The following TAFA2 variants were observed in gnomAD, a reference collection of about 807,000 sequenced individuals.
TAFA2 encodes the protein chemokine-like protein TAFA-2.
TAFA2 carries 7 observed loss-of-function variants against 18.8 expected under a neutral mutation model. The ratio of observed to expected loss-of-function variants is 0.37; its 90% CI spans 0.21 to 0.70. The LOEUF is 0.70. Ranked by LOEUF, TAFA2 falls within the 30% of genes least tolerant of loss-of-function variation. The pLI is 0.53. For missense variants in TAFA2, 122 were observed against 158.1 expected, an observed-to-expected ratio of 0.77 and a Z score of 1.23; for synonymous variants, 60 against 54.2, an observed-to-expected ratio of 1.11 and a Z score of -0.47.
chr12:62,106,335 A>G (rs1270828618), intron 1 of TAFA2, among the ~76,000 whole-genome samples: 1 of 152,190 alleles, frequency 6.6e-6, no homozygotes, highest in African/African-American at 2.4e-5. Context: ...CTCCATCTCA[A>G]AAAAGAACAA....
chr12:62,045,689 T>C (rs1253876124), intron 1 of TAFA2, among the ~76,000 whole-genome samples: 1 of 152,226 alleles, frequency 6.6e-6, no homozygotes, highest in Non-Finnish European at 1.5e-5. Context: ...CTATTTTAGA[T>C]GTTCCTGTTT....
intron 1 of TAFA2, chr12:61,880,262 G>A: frequency 4.2e-6 from 2 of 477,394 alleles, no homozygotes; most frequent in East Asian, 5.8e-5. Context: ...GAACCAGAAT[G>A]TCAGCTGGCT....
At chr12:61,836,756 T>TACAC (rs58707678) in intron 2 of TAFA2, among the ~76,000 whole-genome samples, 59 of 119,750 alleles carry the variant, frequency 4.9e-4, no homozygotes, top group South Asian at 9.8e-4. Context: ...TATATATATA[T>TACAC]ACACACACAC....
intron 1 of TAFA2, among the ~76,000 whole-genome samples, chr12:62,176,336 C>A (rs138066766): frequency 3.1e-4 from 47 of 152,282 alleles, no homozygotes; most frequent in African/African-American, 1.1e-3. Flanking sequence ...TAGCATCTAA[C>A]TAGTCTTCTA....
At chr12:62,034,292 G>C (rs1286192716) in intron 1 of TAFA2, among the ~76,000 whole-genome samples, 1 of 152,038 alleles carries the variant, frequency 6.6e-6, no homozygotes, top group Non-Finnish European at 1.5e-5. Flanking sequence ...ACAGGATGAA[G>C]GTCAGGTACC....
intron 2 of TAFA2, among the ~76,000 whole-genome samples, chr12:61,857,510 TC>T: frequency 6.6e-6 from 1 of 152,326 alleles, no homozygotes; most frequent in South Asian, 2.1e-4. Flanking sequence ...GTCATTTTCT[TC>T]TAAAACATTT....
intron 1 of TAFA2, among the ~76,000 whole-genome samples, chr12:62,043,130 A>T (rs1182716035): frequency 1.3e-5 from 2 of 152,194 alleles, no homozygotes; most frequent in Non-Finnish European, 2.9e-5. Flanking sequence ...TATGTATTAA[A>T]TCCTGCTGTA....
At chr12:61,835,877 T>C (rs529899912) in intron 2 of TAFA2, among the ~76,000 whole-genome samples, 127 of 152,034 alleles carry the variant, frequency 8.4e-4, no homozygotes, top group African/African-American at 2.8e-3. Flanking sequence ...AATACAGCCA[T>C]GGATAAGAGA....
intron 4 of TAFA2, among the ~76,000 whole-genome samples, chr12:61,734,563 G>A (rs1257303709): frequency 1.8e-4 from 27 of 151,896 alleles, no homozygotes; most frequent in Admixed American, 1.6e-3. Flanking sequence ...ACAGAGAAAG[G>A]AATGTATTAG....
intron 2 of TAFA2, among the ~76,000 whole-genome samples, chr12:61,840,567 T>G (rs1873129851): frequency 6.6e-6 from 1 of 152,026 alleles, no homozygotes; most frequent in South Asian, 2.1e-4. Context: ...ACACAGATTC[T>G]AGGAATATAG....
intron 4 of TAFA2, among the ~76,000 whole-genome samples, chr12:61,725,839 G>A (rs371316866): frequency 6.6e-6 from 1 of 152,040 alleles, no homozygotes; most frequent in Non-Finnish European, 1.5e-5. Flanking sequence ...CACATCGTAT[G>A]TTCTCACTTA....
rs529142069 is a variant in TAFA2, at chr12:62,030,388, G to C, written c.-2+160871C>G. 2.0e-5 allele frequency among the ~76,000 whole-genome samples: 3 copies of C among 152,248 alleles called. No homozygotes were observed. The East Asian group carries it at 5.8e-4, about 29-fold the overall frequency. On this transcript the variant is annotated intron_variant, in intron 1 of 4. Coordinates refer to ENST00000416284, the MANE Select transcript of TAFA2 (RefSeq NM_178539.5). ...AGATAATGTTAATATGGGAGAAATAGAATAAGCCACAAGAGAAGATTGCTA... is the reference window on the plus strand; with the variant it reads ...AGATAATGTTAATATGGGAGAAATACAATAAGCCACAAGAGAAGATTGCTA...
intron 1 of TAFA2, among the ~76,000 whole-genome samples, chr12:62,060,044 T>C (rs1043505772): frequency 1.3e-5 from 2 of 152,214 alleles, no homozygotes; most frequent in African/African-American, 4.8e-5. Context: ...ACATTTATTG[T>C]TTCACAGTTT....
chr12:62,247,918 C>CT (rs972622738), intron 1 of TAFA2, among the ~76,000 whole-genome samples: 1 of 151,904 alleles, frequency 6.6e-6, no homozygotes, highest in Non-Finnish European at 1.5e-5. Context: ...AAGACTGTTT[C>CT]TTTTTTTGAG....
intron 1 of TAFA2, among the ~76,000 whole-genome samples, chr12:62,065,000 G>C (rs1882448470): frequency 6.6e-6 from 1 of 151,920 alleles, no homozygotes; most frequent in African/African-American, 2.4e-5. Context: ...ACAATATGAA[G>C]TCTTGTGCAT....
intron 2 of TAFA2, among the ~76,000 whole-genome samples, chr12:61,787,085 G>C (rs1316150858): frequency 2.0e-5 from 3 of 151,150 alleles, no homozygotes; most frequent in African/African-American, 7.3e-5. Context: ...AGATGAAACA[G>C]CAGAACCCAA....
At chr12:62,235,558 A>C (rs1383397920) in intron 1 of TAFA2, 3 of 372,636 alleles carry the variant, frequency 8.1e-6, no homozygotes, top group Non-Finnish European at 1.5e-5. Flanking sequence ...ACAGACAGGG[A>C]GCAACCCACC....
chr12:62,238,332 A>G (rs931867427), intron 1 of TAFA2, among the ~76,000 whole-genome samples: 1 of 152,128 alleles, frequency 6.6e-6, no homozygotes. Flanking sequence ...GGCACCAGAT[A>G]TTTGTTTTCA....
rs1873108975 is a variant in TAFA2 at position 61,840,055 on chromosome 12, T to C, written c.106+27265A>G. ...ATGGAGCTCAGCTTCTCAGGATGTC[T>C]GGAGCAGAGAGCCCACAAAAGGCCA... On this transcript the variant is annotated intron_variant, in intron 2 of 4. Coordinates refer to ENST00000416284, the MANE Select transcript of TAFA2 (RefSeq NM_178539.5). Among the ~76,000 whole-genome samples, 2 of 152,000 alleles carry C rather than the reference T, an allele frequency of 1.3e-5. 1 individual carries two copies. The highest frequency in any genetic ancestry group is 4.1e-4 in the South Asian group (2 of 4,824).
Sources: allele counts gnomAD v4.1 joint callset (sites outside exome capture counted in the v4.1 genomes callset), GRCh38; gene constraint gnomAD v4.1.1; transcripts MANE v1.5; gene names NCBI Gene and HGNC (gene_info 2026-07-23, HGNC 2026-07-21).